The following ULK2 variants were observed in gnomAD, a reference collection of about 807,000 sequenced individuals.
ULK2 encodes the protein unc-51 like autophagy activating kinase 2.
A neutral mutation model predicts 127.5 loss-of-function variants in ULK2; 76 were observed. The ratio of observed to expected loss-of-function variants is 0.60; its 90% CI spans 0.50 to 0.72. The LOEUF is 0.72. ULK2 is among the 30% of genes least tolerant of loss of function. The pLI is 0.00. For missense variants in ULK2, 1,144 were observed against 1,295.9 expected (o/e 0.88, Z 1.80); for synonymous variants, 452 against 461.9 (o/e 0.98, Z 0.28).
chr17:19,836,677 T>C (rs1241574545), intron 10 of ULK2, among the ~76,000 whole-genome samples: 1 of 150,994 alleles, frequency 6.6e-6, no homozygotes, highest in Non-Finnish European at 1.5e-5. Flanking sequence ...GAGGCTGAGG[T>C]GGGCGGATCA....
intron 25 of ULK2, 126 bp from the exon 26 acceptor site, chr17:19,777,842 G>T (rs1394437267): frequency 8.5e-7 from 1 of 1,170,088 alleles, no homozygotes; most frequent in African/African-American, 1.5e-5. Context: ...GATACAGTCT[G>T]CAAAACTACA....
intron 12 of ULK2, among the ~76,000 whole-genome samples, chr17:19,820,634 T>C (rs2041117304): frequency 2.0e-5 from 3 of 152,228 alleles, no homozygotes; most frequent in Admixed American, 1.3e-4. Context: ...CACTTAATTT[T>C]AACAAATTTA....
At chr17:19,837,082 C>A (rs1314007783) in intron 10 of ULK2, among the ~76,000 whole-genome samples, 6 of 151,462 alleles carry the variant, frequency 4.0e-5, no homozygotes, top group African/African-American at 1.2e-4. Context: ...CAGAGTGAGG[C>A]CTTTTCTCTA....
At chr17:19,821,772 T>G (rs2041152248) in intron 12 of ULK2, among the ~76,000 whole-genome samples, 1 of 152,156 alleles carries the variant, frequency 6.6e-6, no homozygotes, top group Non-Finnish European at 1.5e-5. Context: ...AGACAGGGTC[T>G]CTCTGTATCC....
At chr17:19,787,753 A>G (rs1597715131) in intron 20 of ULK2, among the ~76,000 whole-genome samples, 1 of 152,322 alleles carries the variant, frequency 6.6e-6, no homozygotes, top group East Asian at 1.9e-4. Flanking sequence ...AGAACCAAAA[A>G]TCAGGTGAGT....
intron 17 of ULK2, 49 bp from the exon 18 acceptor site, chr17:19,797,731 G>A (rs2087305629): frequency 7.3e-7 from 1 of 1,375,846 alleles, no homozygotes; most frequent in South Asian, 2.0e-5. Context: ...GAAGTGCAGT[G>A]CAAAAATGTA....
intron 13 of ULK2, among the ~76,000 whole-genome samples, chr17:19,816,102 C>T (rs1343832369): frequency 1.3e-5 from 2 of 152,176 alleles, no homozygotes; most frequent in African/African-American, 4.8e-5. Context: ...ACTAAAAAGA[C>T]CTGATACAAA....
chr17:19,818,311 A>C (rs2041046314), intron 12 of ULK2, among the ~76,000 whole-genome samples: 1 of 149,452 alleles, frequency 6.7e-6, no homozygotes, highest in Non-Finnish European at 1.5e-5. Flanking sequence ...CGACAGAGTG[A>C]GACTCCGTCT....
At chr17:19,810,561 G>T in intron 13 of ULK2, 123 bp from the exon 14 acceptor site, 2 of 592,208 alleles carry the variant, frequency 3.4e-6, no homozygotes, top group Non-Finnish European at 6.0e-6. Context: ...CTTATGTTAT[G>T]ATTTCATGTA....
Position 19,867,513 on chromosome 17 carries a change from G to T in ULK2, c.-96C>A. On this transcript the variant is annotated 5_prime_UTR_variant, in exon 1 of 27. Transcript: ENST00000395544. The stretch of plus-strand genomic sequence containing the variant: ...CCGCGGGCCCGGAGCGCGCCAGCGT[G>T]CGGCGGGTCTGGGGCAGCCGCAGCC... 1.1e-6 allele frequency: 1 copy of T among 932,690 alleles called. No homozygotes were observed. The highest frequency in any genetic ancestry group is 2.9e-5 in the South Asian group (1 of 34,896). The allele number at this position is 932,690 out of a possible 1,614,324, so 57.8% of individuals were successfully genotyped here. A position where few individuals can be genotyped will look rare whatever the true frequency, so the allele number is the denominator to read the frequency against.
At chr17:19,779,548 AAAAAAAG>A (rs1567670763) in intron 25 of ULK2, among the ~76,000 whole-genome samples, 3 of 151,600 alleles carry the variant, frequency 2.0e-5, no homozygotes, top group African/African-American at 7.3e-5. Context: ...AAAAAAAAAA[AAAAAAAG>A]AAAAACATAT....
chr17:19,865,650 C>G (rs2042336535), intron 2 of ULK2, 86 bp downstream of exon 2: 3 of 770,448 alleles, frequency 3.9e-6, no homozygotes, highest in Non-Finnish European at 5.8e-6. Context: ...TTGGACCCAA[C>G]TACCAAAATT....
chr17:19,838,648 C>T lies in ULK2; in HGVS notation c.705-65G>A. The T allele has an allele frequency of 1.1e-5, 16 of 1,397,316 alleles. No individual in the cohort carries two copies. The South Asian group carries it at 1.8e-4, about 16-fold the overall frequency. 86.6% of individuals were successfully genotyped at this position (1,397,316 alleles called of 1,614,324 possible). A position where few individuals can be genotyped will look rare whatever the true frequency, so the allele number is the denominator to read the frequency against. On this transcript the variant is annotated intron_variant, in intron 9 of 26. Coordinates refer to ENST00000395544, the MANE Select transcript of ULK2 (RefSeq NM_014683.4). Reference sequence around the variant, plus strand: ...TTATATACATAAACATTAACTTTTGCCTTCCATATAGTAAACTAAAACGTG... The same window carrying T: ...TTATATACATAAACATTAACTTTTGTCTTCCATATAGTAAACTAAAACGTG...
At chr17:19,843,261 T>C in intron 7 of ULK2, 39 bp from the exon 8 acceptor site, 1 of 1,356,128 alleles carries the variant, frequency 7.4e-7, no homozygotes, top group Non-Finnish European at 1.0e-6. Context: ...CCGTACGTTA[T>C]TTACATAATT....
chr17:19,802,824 T>C (rs1448263105), intron 15 of ULK2, among the ~76,000 whole-genome samples: 2 of 152,242 alleles, frequency 1.3e-5, no homozygotes, highest in Non-Finnish European at 2.9e-5. Context: ...TCTTGCACTT[T>C]GAATGAAATT....
Position 19,777,729 on chromosome 17 carries a change from A to C in ULK2, c.2917-13T>G. 1 of 1,589,144 alleles carries C rather than the reference A, an allele frequency of 6.3e-7. No homozygotes were observed. The highest frequency in any genetic ancestry group is 1.2e-5 in the South Asian group (1 of 86,552). ...CTGCAGACTGAACCTGGAACCAGTC[A>C]ACAAAAACACAATTCTCTCAATTTT... On this transcript the variant is annotated splice_polypyrimidine_tract_variant and intron_variant, in intron 25 of 26. Transcript: ENST00000395544.
intron 9 of ULK2, chr17:19,840,363 T>C: frequency 1.9e-6 from 1 of 521,136 alleles, no homozygotes; most frequent in South Asian, 1.5e-5. Context: ...CTATCCTAAT[T>C]TCAGACCCAC....
At chr17:19,811,810 G>C (rs1263244323) in intron 13 of ULK2, among the ~76,000 whole-genome samples, 2 of 152,106 alleles carry the variant, frequency 1.3e-5, no homozygotes, top group Non-Finnish European at 2.9e-5. Context: ...GGACAAAAAA[G>C]ATCTTAAATG....
intron 5 of ULK2, among the ~76,000 whole-genome samples, chr17:19,849,072 G>A: frequency 6.6e-6 from 1 of 152,050 alleles, no homozygotes; most frequent in East Asian, 1.9e-4. Flanking sequence ...GCCTTTTGAA[G>A]GAGAGGAATT....
Sources: allele counts gnomAD v4.1 joint callset (sites outside exome capture counted in the v4.1 genomes callset), GRCh38; gene constraint gnomAD v4.1.1; transcripts MANE v1.5; gene names NCBI Gene and HGNC (gene_info 2026-07-23, HGNC 2026-07-21).